Variants in MMRN1 observed in about 807,000 individuals in gnomAD.
MMRN1 encodes multimerin 1.
A neutral mutation model predicts 100.7 loss-of-function variants in MMRN1; 94 were observed. The ratio of observed to expected loss-of-function variants is 0.93; its 90% confidence interval spans 0.79 to 1.11. The LOEUF (loss-of-function observed/expected upper bound fraction) is 1.11, where lower values mean the gene tolerates loss of function less well. MMRN1 is among the 50% of genes least tolerant of loss of function. The pLI, the probability that MMRN1 is intolerant of heterozygous loss-of-function variation, is 0.00. For synonymous variants in MMRN1, 575 were observed against 505.0 expected, an observed-to-expected ratio of 1.14 and a Z score of -1.86; for missense variants, 1,606 against 1,439.1, an observed-to-expected ratio of 1.12 and a Z score of -1.88.
chr4:89,950,516 C>G (rs995917988), intron 6 of MMRN1, among the ~76,000 whole-genome samples: 68 of 152,058 alleles, frequency 4.5e-4, no homozygotes, highest in African/African-American at 1.6e-3. Context: ...TTCTACGTAT[C>G]TTTTTAAATG....
chr4:89,912,737 C>A, intron 3 of MMRN1, among the ~76,000 whole-genome samples: 1 of 151,068 alleles, frequency 6.6e-6, no homozygotes, highest in East Asian at 1.9e-4. Flanking sequence ...AGGCCATTAG[C>A]AGTGGTGGGG....
intron 5 of MMRN1, among the ~76,000 whole-genome samples, chr4:89,934,246 T>C (rs983933929): frequency 2.0e-5 from 3 of 152,162 alleles, no homozygotes; most frequent in African/African-American, 7.2e-5. Flanking sequence ...CTCATTATTA[T>C]TATTTTATTG....
At position 89,912,037 on chromosome 4, in the gene MMRN1, A is replaced by C; in HGVS notation, c.837A>C (p.Lys279Asn). 6.3e-7 allele frequency: 1 copy of C among 1,592,718 alleles called. No individual in the cohort carries two copies. Among genetic ancestry groups the C allele is most frequent in the Non-Finnish European group, 8.6e-7 (1 of 1,166,336 alleles). Residue 279 changes from lysine to asparagine, a missense_variant, in exon 3 of 8, where the codon AAA becomes AAC. Physicochemically the swap from Lys to Asn is moderately conservative, Grantham distance 94 (BLOSUM62 0). Coordinates refer to ENST00000264790, the MANE Select transcript of MMRN1 (RefSeq NM_007351.3). The stretch of plus-strand genomic sequence containing the variant: ...GCTGTCCTGGATACAGTGGGCCGAA[A>C]TGTCAACTAAGAGGTACACTCTAAT... ...WRCCPGYSGP[K>N]CQLRAQEQQS...
At chr4:89,887,857 C>T (rs895635842) in intron 1 of MMRN1, among the ~76,000 whole-genome samples, 7 of 151,668 alleles carry the variant, frequency 4.6e-5, no homozygotes, top group Middle Eastern at 3.2e-3. Context: ...TACATTATTG[C>T]TGTGATTTTT....
chr4:89,922,745 C>T (rs1474619536), intron 3 of MMRN1, among the ~76,000 whole-genome samples: 2 of 152,062 alleles, frequency 1.3e-5, no homozygotes, highest in African/African-American at 4.8e-5. Flanking sequence ...GTAGCTCTCC[C>T]TTTTTTCCAA....
rs141209282 is a variant in MMRN1 at position 89,934,478 on chromosome 4, G to A, written c.1130-332G>A. ...AAAGCCATTTATTTTCACACAAAAC[G>A]AAAACTAGACCTAGAATTATTGTAC... On this transcript the variant is annotated intron_variant, in intron 5 of 7. Coordinates refer to ENST00000264790, the MANE Select transcript of MMRN1 (RefSeq NM_007351.3). Among the ~76,000 whole-genome samples the A allele has an allele frequency of 7.5e-4, 114 of 152,164 alleles. 1 individual carries two copies. The highest frequency in any genetic ancestry group is 2.5e-3 in the African/African-American group (103 of 41,552).
chr4:89,879,907 A>G (rs1477068860), intron 1 of MMRN1, among the ~76,000 whole-genome samples: 1 of 152,216 alleles, frequency 6.6e-6, no homozygotes, highest in African/African-American at 2.4e-5. Context: ...TTTGATTGAC[A>G]GACTGAATCC....
chr4:89,881,393 G>A (rs556157389), intron 1 of MMRN1, among the ~76,000 whole-genome samples: 1 of 152,004 alleles, frequency 6.6e-6, no homozygotes. Context: ...TTCTAGTCAT[G>A]ACATACAAAA....
At chr4:89,925,492 T>C (rs1420604835) in intron 4 of MMRN1, among the ~76,000 whole-genome samples, 1 of 141,340 alleles carries the variant, frequency 7.1e-6, no homozygotes, top group African/African-American at 2.8e-5. Flanking sequence ...AATTTTTATT[T>C]ATATTTTTAA....
At chr4:89,881,790 T>C (rs1359053255) in intron 1 of MMRN1, among the ~76,000 whole-genome samples, 1 of 151,994 alleles carries the variant, frequency 6.6e-6, no homozygotes, top group Non-Finnish European at 1.5e-5. Context: ...TCGCTTTGGT[T>C]GCACTACCTT....
chr4:89,929,099 G>A (rs1722355932), intron 5 of MMRN1, among the ~76,000 whole-genome samples: 2 of 152,094 alleles, frequency 1.3e-5, no homozygotes, highest in Non-Finnish European at 2.9e-5. Flanking sequence ...TTTCGGGTAG[G>A]GCAAGGATGT....
At chr4:89,917,066 A>G (rs1721944680) in intron 3 of MMRN1, among the ~76,000 whole-genome samples, 1 of 151,576 alleles carries the variant, frequency 6.6e-6, no homozygotes, top group South Asian at 2.1e-4. Flanking sequence ...ATCCTAGAAG[A>G]GTTAAAATCC....
chr4:89,943,731 T>A (rs1008547722), intron 6 of MMRN1, among the ~76,000 whole-genome samples: 1 of 152,316 alleles, frequency 6.6e-6, no homozygotes, highest in South Asian at 2.1e-4. Flanking sequence ...GGCTCACCAC[T>A]GTAATCCCAA....
chr4:89,923,651 C>T (rs1722159115), intron 4 of MMRN1, among the ~76,000 whole-genome samples: 1 of 152,144 alleles, frequency 6.6e-6, no homozygotes, highest in Admixed American at 6.6e-5. Flanking sequence ...AGGCTCTCTT[C>T]AATTCATTAA....
Position 89,953,307 on chromosome 4 carries a change from A to G in MMRN1, c.3576A>G (p.Leu1192=). 1 of 1,613,898 alleles carries G rather than the reference A, an allele frequency of 6.2e-7. No individual in the cohort carries two copies. The highest frequency in any genetic ancestry group is 8.5e-7 in the Non-Finnish European group (1 of 1,179,852). ...HCDRVLTGDA[L]LELNYGQEVW... ...ATAGGGTTTTAACTGGGGATGCCTT[A>G]TTAGAATTAAATTATGGGCAGGAAG... Residue 1192 remains leucine, a synonymous_variant, in exon 8 of 8, where the codon TTA becomes TTG. Transcript: ENST00000264790.
Position 89,923,270 on chromosome 4 carries a change from C to A in MMRN1, c.953C>A (p.Pro318Gln). 3 of 1,613,074 alleles carry A rather than the reference C, an allele frequency of 1.9e-6. No individual in the cohort carries two copies. Among genetic ancestry groups the A allele is most frequent in the Non-Finnish European group, 1.7e-6 (2 of 1,179,122 alleles). The change falls in exon 4 of 8, where the codon CCA (proline) becomes CAA (glutamine). Residue 318 changes from proline to glutamine, a missense_variant and splice_region_variant. Physicochemically the swap from Pro to Gln is moderately conservative, Grantham distance 76. Transcript: ENST00000264790. Reference protein sequence around the residue: ...EQQQQQGCGDPEVMQKMTDQV... With the variant: ...EQQQQQGCGDQEVMQKMTDQV... ...CAGCAGCAGCAAGGCTGTGGTGACC[C>A]AGGTCATAGATTGTAATTACTATCA...
intron 1 of MMRN1, among the ~76,000 whole-genome samples, chr4:89,899,341 G>T (rs961157522): frequency 6.6e-6 from 1 of 152,022 alleles, no homozygotes; most frequent in African/African-American, 2.4e-5. Context: ...TAGGATTAGT[G>T]TATTTATATG....
intron 1 of MMRN1, among the ~76,000 whole-genome samples, chr4:89,897,100 G>A (rs576148970): frequency 4.6e-5 from 7 of 152,228 alleles, no homozygotes; most frequent in Non-Finnish European, 7.4e-5. Flanking sequence ...CATCATTTCT[G>A]TTAATCATAT....
At chr4:89,938,957 G>T (rs1722739177) in intron 6 of MMRN1, among the ~76,000 whole-genome samples, 1 of 151,940 alleles carries the variant, frequency 6.6e-6, no homozygotes, top group African/African-American at 2.4e-5. Context: ...TAATGTATGG[G>T]ACCCTTTTAA....
Sources: gnomAD v4.1 joint callset for allele counts (sites outside exome capture counted in the v4.1 genomes callset) on GRCh38, gnomAD v4.1.1 for gene constraint, MANE v1.5 for transcripts, NCBI Gene and HGNC (gene_info 2026-07-23, HGNC 2026-07-21) for gene names.